The following ACSS2 variants were observed in gnomAD, a reference collection of about 807,000 sequenced individuals.
ACSS2 encodes the protein acetyl-coenzyme A synthetase, cytoplasmic.
A neutral mutation model predicts 90.6 loss-of-function variants in ACSS2; 58 were observed. That is an observed-to-expected ratio of 0.64 (90% CI 0.52 to 0.80). The LOEUF is 0.80. ACSS2 is among the 30% of genes least tolerant of loss of function. ACSS2 has a pLI of 0.00. For synonymous variants in ACSS2, 300 were observed against 330.9 expected, an observed-to-expected ratio of 0.91 and a Z score of 1.01; for missense variants, 759 against 912.0, an observed-to-expected ratio of 0.83 and a Z score of 2.16.
At chr20:34,915,165 C>A in intron 7 of ACSS2, 1 of 1,597,796 alleles carries the variant, frequency 6.3e-7, no homozygotes, top group South Asian at 1.1e-5. Flanking sequence ...TCCTCCCACT[C>A]CCTGTATACT....
intron 2 of ACSS2, among the ~76,000 whole-genome samples, chr20:34,898,618 C>T (rs1245479200): frequency 1.3e-5 from 2 of 151,596 alleles, no homozygotes; most frequent in East Asian, 1.9e-4. Flanking sequence ...ACAGAGTGTC[C>T]ATTGGTGCAT....
chr20:34,910,641 G>A (rs2080929640), intron 2 of ACSS2, among the ~76,000 whole-genome samples: 1 of 152,306 alleles, frequency 6.6e-6, no homozygotes, highest in Admixed American at 6.5e-5. Flanking sequence ...TCAATAGAGT[G>A]AGACCCTGTC....
At chr20:34,920,941 A>G (rs960108766) in intron 9 of ACSS2, 65 bp from the exon 10 acceptor site, 1 of 1,600,362 alleles carries the variant, frequency 6.2e-7, no homozygotes, top group Admixed American at 1.7e-5. Flanking sequence ...ACCTGAGGGA[A>G]TGGTAGGGGG....
intron 2 of ACSS2, among the ~76,000 whole-genome samples, chr20:34,895,736 AAAG>A (rs1203938976): frequency 6.6e-6 from 1 of 152,244 alleles, no homozygotes; most frequent in African/African-American, 2.4e-5. Context: ...AGAGAGTGAG[AAAG>A]AAGAACCAAC....
chr20:34,886,220 A>G (rs2080188932), intron 2 of ACSS2, among the ~76,000 whole-genome samples: 2 of 152,058 alleles, frequency 1.3e-5, no homozygotes, highest in Non-Finnish European at 2.9e-5. Context: ...TTCTCAATAT[A>G]ATTATAGCTG....
At chr20:34,920,898 A>G in intron 9 of ACSS2, 108 bp from the exon 10 acceptor site, 1 of 1,545,044 alleles carries the variant, frequency 6.5e-7, no homozygotes, top group East Asian at 2.3e-5. Flanking sequence ...CAGGGAGTGA[A>G]GATATGGTTG....
At chr20:34,925,121 G>A (rs775289030) in intron 14 of ACSS2, among the ~76,000 whole-genome samples, 28 of 152,302 alleles carry the variant, frequency 1.8e-4, no homozygotes, top group Non-Finnish European at 3.7e-4. Context: ...CCAAAAGTTG[G>A]CAGCTTAAAA....
intron 2 of ACSS2, among the ~76,000 whole-genome samples, chr20:34,883,315 C>G (rs2080111409): frequency 6.6e-6 from 1 of 152,174 alleles, no homozygotes; most frequent in Non-Finnish European, 1.5e-5. Context: ...GGTTTTTCAC[C>G]ACCACTACTA....
At chr20:34,881,066 G>A (rs1601280000) in intron 1 of ACSS2, among the ~76,000 whole-genome samples, 1 of 101,476 alleles carries the variant, frequency 9.9e-6, no homozygotes, top group African/African-American at 4.1e-5. Context: ...TTGTTCTGTT[G>A]CCTAGGCTGG....
At chr20:34,883,770 C>T (rs1490391340) in intron 2 of ACSS2, among the ~76,000 whole-genome samples, 1 of 152,216 alleles carries the variant, frequency 6.6e-6, no homozygotes, top group Non-Finnish European at 1.5e-5. Context: ...CTAGGCCATG[C>T]AGCCTCCCCA....
At chr20:34,879,844 TTGAG>T (rs2080028338) in intron 1 of ACSS2, among the ~76,000 whole-genome samples, 1 of 152,254 alleles carries the variant, frequency 6.6e-6, no homozygotes, top group South Asian at 2.1e-4. Context: ...GAAAATATTT[TTGAG>T]TATTTGTACT....
At position 34,914,394 on chromosome 20, in the gene ACSS2, C is replaced by T. The variant is rs746101673; in HGVS notation, c.791C>T (p.Thr264Ile). 20 of 1,613,902 alleles carry T rather than the reference C, an allele frequency of 1.2e-5. No homozygotes were observed. The highest frequency in any genetic ancestry group is 1.4e-5 in the Non-Finnish European group (16 of 1,179,908). The change falls in exon 7 of 18, where the codon ACC (threonine) becomes ATC (isoleucine). Residue 264 changes from threonine (T) to isoleucine (I), a missense_variant. By Grantham distance (89) the Thr-to-Ile change is moderately conservative. Coordinates refer to ENST00000360596, the MANE Select transcript of ACSS2 (RefSeq NM_018677.4). ...GRAELGMGDS[T>I]SQSPPIKRSC... ...GCAGAGCTCGGCATGGGTGACTCCA[C>T]CAGCCAGTCCCCCCCAATTAAGAGG...
chr20:34,919,576 AGTGTGTGTGTGTGTGTGTGTGTGTGT>A lies in ACSS2; in HGVS notation c.972+23_972+48del. The A allele has an allele frequency of 1.4e-6, 2 of 1,475,198 alleles. No individual in the cohort carries two copies. Among genetic ancestry groups the A allele is most frequent in the South Asian group, 1.3e-5 (1 of 79,142 alleles). The allele number at this position is 1,475,198 out of a possible 1,614,324, so 91.4% of individuals were successfully genotyped here. A position where few individuals can be genotyped will look rare whatever the true frequency, so the allele number is the denominator to read the frequency against. On this transcript the variant is annotated splice_donor_5th_base_variant and intron_variant, in intron 8 of 17. Coordinates refer to ENST00000360596, the MANE Select transcript of ACSS2 (RefSeq NM_018677.4). ...TGGCTCCACAGGCAAACCCAAGGCA[AGTGTGTGTGTGTGTGTGTGTGTGTGT>A]GTGTGTGTGTGTGTGTGTATTATGT...
intron 2 of ACSS2, among the ~76,000 whole-genome samples, chr20:34,900,930 G>A (rs1256563905): frequency 1.3e-5 from 2 of 152,150 alleles, no homozygotes; most frequent in Non-Finnish European, 2.9e-5. Flanking sequence ...TGTCATTTAG[G>A]AGGAGAAGGC....
intron 8 of ACSS2, among the ~76,000 whole-genome samples, chr20:34,919,832 T>C (rs1337847382): frequency 1.3e-5 from 2 of 152,048 alleles, no homozygotes; most frequent in East Asian, 1.9e-4. Context: ...TATGCACCCA[T>C]GGTTTGGTTG....
At chr20:34,912,966 G>T in intron 2 of ACSS2, 130 bp from the exon 3 acceptor site, 1 of 748,100 alleles carries the variant, frequency 1.3e-6, no homozygotes. Context: ...ATTGATGGTG[G>T]GCAGATAGCT....
intron 2 of ACSS2, among the ~76,000 whole-genome samples, chr20:34,902,337 TAAAC>T (rs1478803162): frequency 3.9e-5 from 6 of 152,070 alleles, no homozygotes; most frequent in African/African-American, 7.2e-5. Flanking sequence ...TAACAATAAG[TAAAC>T]AAATAACAAA....
chr20:34,882,906 A>G lies in ACSS2; in HGVS notation c.291A>G (p.Lys97=). 1 of 1,614,018 alleles carries G rather than the reference A, an allele frequency of 6.2e-7. No individual in the cohort carries two copies. Among genetic ancestry groups the G allele is most frequent in the African/African-American group, 1.3e-5 (1 of 75,058 alleles). ...TKGKIFIEWM[K]GATTNICYNV... is the part of the protein sequence containing the mutation. Reference sequence around the variant, plus strand: ...GGAAAATCTTCATTGAGTGGATGAAAGGAGCAACTACCAACATCTGCTACA... The same window carrying G: ...GGAAAATCTTCATTGAGTGGATGAAGGGAGCAACTACCAACATCTGCTACA... Residue 97 remains lysine, a synonymous_variant, in exon 2 of 18, where the codon AAA becomes AAG. Coordinates refer to ENST00000360596, the MANE Select transcript of ACSS2 (RefSeq NM_018677.4).
chr20:34,920,852 G>A (rs1207729785), intron 9 of ACSS2, 143 bp downstream of exon 9: 70 of 1,460,586 alleles, frequency 4.8e-5, no homozygotes, highest in Non-Finnish European at 6.2e-5. Context: ...AGGGGGTTGC[G>A]TATCCTGACT....
Sources: allele counts gnomAD v4.1 joint callset (sites outside exome capture counted in the v4.1 genomes callset), GRCh38; gene constraint gnomAD v4.1.1; transcripts MANE v1.5; gene names NCBI Gene and HGNC (gene_info 2026-07-23, HGNC 2026-07-21).